The following SND1 variants were observed in gnomAD, a reference collection of about 807,000 sequenced individuals.
SND1 encodes the protein staphylococcal nuclease domain-containing protein 1.
In SND1, 38 loss-of-function variants were observed where a neutral mutation model predicts 121.7. The observed-to-expected ratio is 0.31, with a 90% confidence interval of 0.24 to 0.41. The LOEUF (loss-of-function observed/expected upper bound fraction) is 0.41, where lower values mean the gene tolerates loss of function less well. SND1 is among the 10% of genes least tolerant of loss of function. The pLI is 1.00. For missense variants in SND1, 868 were observed against 1,184.6 expected (o/e 0.73, Z 3.92); for synonymous variants, 401 against 447.4 (o/e 0.90, Z 1.31).
chr7:127,837,559 T>A (rs1035084460), intron 11 of SND1, among the ~76,000 whole-genome samples: 1 of 152,240 alleles, frequency 6.6e-6, no homozygotes, highest in Non-Finnish European at 1.5e-5. Context: ...TCTTGAGAGA[T>A]GAGCAGTTCC....
chr7:127,801,172 C>T (rs1467747912), intron 10 of SND1, among the ~76,000 whole-genome samples: 2 of 152,204 alleles, frequency 1.3e-5, no homozygotes, highest in African/African-American at 2.4e-5. Flanking sequence ...CCAAACAGTG[C>T]CACATAGCGC....
At chr7:127,776,391 G>GA (rs1185785909) in intron 10 of SND1, among the ~76,000 whole-genome samples, 11 of 151,976 alleles carry the variant, frequency 7.2e-5, no homozygotes, top group Non-Finnish European at 2.9e-5. Flanking sequence ...GTCCAGCTGT[G>GA]AAAAAACAAT....
chr7:127,845,366 T>G (rs1799039188), intron 12 of SND1, among the ~76,000 whole-genome samples: 1 of 152,238 alleles, frequency 6.6e-6, no homozygotes, highest in African/African-American at 2.4e-5. Flanking sequence ...CGATCCTATA[T>G]TTATTAATGT....
intron 1 of SND1, among the ~76,000 whole-genome samples, chr7:127,673,057 A>G (rs1795550786): frequency 6.6e-6 from 1 of 150,906 alleles, no homozygotes; most frequent in African/African-American, 2.4e-5. Context: ...TTTATGTAAT[A>G]AGTAATACAT....
intron 16 of SND1, among the ~76,000 whole-genome samples, chr7:128,014,520 G>A (rs1803184251): frequency 6.6e-6 from 1 of 152,190 alleles, no homozygotes; most frequent in African/African-American, 2.4e-5. Context: ...GTCCACTGCT[G>A]GCCTCCCTTT....
chr7:127,667,755 C>T (rs1337811204), intron 1 of SND1, among the ~76,000 whole-genome samples: 3 of 152,136 alleles, frequency 2.0e-5, no homozygotes, highest in East Asian at 1.9e-4. Context: ...AAAAATATTC[C>T]GAAAGCACAG....
rs141407249 is a variant in SND1, at chr7:127,799,656, A to G, written c.1153-7828A>G. On this transcript the variant is annotated intron_variant, in intron 10 of 23. Transcript: ENST00000354725. ...TTAAAAAAGTTGGATTTTAGTTTCT[A>G]TTGTTTTCCATTTCGTCTTTGCTTC... Among the ~76,000 whole-genome samples, 554 of 152,248 alleles carry G rather than the reference A, an allele frequency of 3.6e-3. 12 individuals are homozygous for G. Among genetic ancestry groups the G allele is most frequent in the Admixed American group, 0.031 (478 of 15,300 alleles).
rs1563002588 is a variant in SND1 at position 127,757,386 on chromosome 7, C to G, written c.1152+35986C>G. ...TATGATAAAGCTGCTAATGAACATT[C>G]TTGTGTCTGCCTTTTGGTGGATGCG... On this transcript the variant is annotated intron_variant, in intron 10 of 23. Transcript: ENST00000354725. 3.3e-5 allele frequency among the ~76,000 whole-genome samples: 5 copies of G among 152,252 alleles called. No homozygotes were observed. In the South Asian group the frequency reaches 1.0e-3, roughly 32 times the overall value.
chr7:127,917,902 T>A (rs1800618916), intron 14 of SND1, among the ~76,000 whole-genome samples: 1 of 152,232 alleles, frequency 6.6e-6, no homozygotes, highest in Non-Finnish European at 1.5e-5. Context: ...TATTTATTTG[T>A]TTCAAAATAT....
intron 16 of SND1, among the ~76,000 whole-genome samples, chr7:128,020,235 A>C (rs6968751): frequency 0.2 from 30,791 of 152,178 alleles, 3,630 homozygotes; most frequent in African/African-American, 0.33. Flanking sequence ...TCTGTCTCAG[A>C]GCATTAAGCA....
intron 7 of SND1, 106 bp downstream of exon 7, chr7:127,703,429 A>G (rs1427342621): frequency 3.8e-5 from 51 of 1,351,282 alleles, no homozygotes; most frequent in Non-Finnish European, 5.0e-5. Flanking sequence ...CCATTAAGAT[A>G]TTGGCCAGTT....
intron 16 of SND1, among the ~76,000 whole-genome samples, chr7:128,036,895 G>C (rs192816560): frequency 1.3e-4 from 20 of 152,330 alleles, no homozygotes; most frequent in African/African-American, 4.6e-4. Context: ...AATTGCCTGT[G>C]TATAGCAGTA....
At chr7:128,035,629 T>C (rs1792736359) in intron 16 of SND1, among the ~76,000 whole-genome samples, 1 of 152,252 alleles carries the variant, frequency 6.6e-6, no homozygotes, top group Admixed American at 6.5e-5. Context: ...GTATGGCTAA[T>C]TGGCATTTAA....
At chr7:127,923,765 A>G (rs1414725347) in intron 14 of SND1, among the ~76,000 whole-genome samples, 1 of 152,206 alleles carries the variant, frequency 6.6e-6, no homozygotes, top group African/African-American at 2.4e-5. Flanking sequence ...TGCACAACCC[A>G]GAAAAACATA....
intron 1 of SND1, among the ~76,000 whole-genome samples, chr7:127,662,853 T>C (rs532429637): frequency 6.6e-4 from 101 of 151,994 alleles, no homozygotes; most frequent in African/African-American, 2.4e-3. Context: ...TAACATGGGA[T>C]AGTATTTGCA....
At chr7:127,652,791 T>C (rs1346172200) in intron 1 of SND1, among the ~76,000 whole-genome samples, 4 of 152,292 alleles carry the variant, frequency 2.6e-5, no homozygotes, top group African/African-American at 7.2e-5. Flanking sequence ...TTCTGTTCAT[T>C]TTGACATATG....
chr7:127,878,207 G>A (rs1429343013), intron 12 of SND1, among the ~76,000 whole-genome samples: 1 of 152,090 alleles, frequency 6.6e-6, no homozygotes, highest in African/African-American at 2.4e-5. Context: ...TTGTTCCCAC[G>A]AGTTCTTGAT....
chr7:127,960,449 T>G (rs1222863722), intron 15 of SND1, among the ~76,000 whole-genome samples: 1 of 152,230 alleles, frequency 6.6e-6, no homozygotes, highest in African/African-American at 2.4e-5. Context: ...CTGTTCCTCC[T>G]TGCAGATCTC....
chr7:128,028,375 T>TAA (rs1803539976), intron 16 of SND1: 1 of 274,746 alleles, frequency 3.6e-6, no homozygotes, highest in Admixed American at 4.8e-5. Context: ...TAGTTTATTT[T>TAA]ATCTCAGCAA....
Sources: gnomAD v4.1 joint callset for allele counts (sites outside exome capture counted in the v4.1 genomes callset) on GRCh38, gnomAD v4.1.1 for gene constraint, MANE v1.5 for transcripts, NCBI Gene and HGNC (gene_info 2026-07-23, HGNC 2026-07-21) for gene names.